The following ADGRE2 variants were observed in gnomAD, a reference collection of about 807,000 sequenced individuals.
ADGRE2 encodes the protein CD97 antigen.
Under a neutral mutation model 100.8 loss-of-function variants are expected in ADGRE2, and 83 were observed. That is an observed-to-expected ratio of 0.82 (90% CI 0.69 to 0.99). The LOEUF (loss-of-function observed/expected upper bound fraction) is 0.99, where lower values mean the gene tolerates loss of function less well. Ranked by LOEUF, ADGRE2 falls within the 50% of genes least tolerant of loss-of-function variation. ADGRE2 has a pLI of 0.00. For missense variants in ADGRE2, 814 were observed against 1,035.7 expected (o/e 0.79, Z 2.94); for synonymous variants, 355 against 413.0 (o/e 0.86, Z 1.70).
chr19:14,731,110 CCCCTTTATTCATT>C (rs2042667626), downstream of ADGRE2: 1 of 1,391,534 alleles, frequency 7.2e-7, no homozygotes, highest in African/African-American at 1.4e-5. Flanking sequence ...CAAGGATTGG[CCCCTTTATTCATT>C]CAATTTCTCT....
At chr19:14,777,536 G>C (rs987342980) in intron 1 of ADGRE2, among the ~76,000 whole-genome samples, 4 of 151,990 alleles carry the variant, frequency 2.6e-5, no homozygotes, top group African/African-American at 9.7e-5. Context: ...GGGTACATGT[G>C]CACAACGAGC....
intron 20 of ADGRE2, among the ~76,000 whole-genome samples, chr19:14,738,685 CT>C (rs1180135588): frequency 6.6e-6 from 1 of 151,986 alleles, no homozygotes; most frequent in Non-Finnish European, 1.5e-5. Flanking sequence ...GCCTGAATTC[CT>C]TTTTTCCATA....
intron 5 of ADGRE2, among the ~76,000 whole-genome samples, chr19:14,771,262 C>G (rs1408032432): frequency 6.6e-6 from 1 of 152,186 alleles, no homozygotes; most frequent in Non-Finnish European, 1.5e-5. Context: ...CCCTTAATGT[C>G]CCCTGGGACC....
chr19:14,738,658 G>A (rs779852938), intron 20 of ADGRE2, among the ~76,000 whole-genome samples: 5 of 152,008 alleles, frequency 3.3e-5, no homozygotes, highest in African/African-American at 7.2e-5. Flanking sequence ...GATTACAAGC[G>A]TGAGCCACTG....
rs2043118232 is a variant in ADGRE2 at position 14,747,101 on chromosome 19, T to C, written c.2025-139A>G. 6 of 771,764 alleles carry C rather than the reference T, an allele frequency of 7.8e-6. No homozygotes were observed. In the East Asian group the frequency reaches 1.6e-4, roughly 21 times the overall value. 47.8% of individuals were successfully genotyped at this position (771,764 alleles called of 1,614,324 possible). A position where few individuals can be genotyped will look rare whatever the true frequency, so the allele number is the denominator to read the frequency against. ...ATTAAGTGTTTCTTTAGTGATAGGG[T>C]CTGTGGTTGGCTCTGAAGATACAGT... On this transcript the variant is annotated intron_variant, in intron 16 of 20. Transcript: ENST00000315576.
intron 20 of ADGRE2, among the ~76,000 whole-genome samples, chr19:14,738,161 A>G (rs1442965068): frequency 6.6e-6 from 1 of 152,186 alleles, no homozygotes; most frequent in Non-Finnish European, 1.5e-5. Context: ...AAATGATCAC[A>G]TGTACCTAGA....
At chr19:14,737,312 C>T (rs987645027) in intron 20 of ADGRE2, among the ~76,000 whole-genome samples, 4 of 151,968 alleles carry the variant, frequency 2.6e-5, no homozygotes, top group Non-Finnish European at 2.9e-5. Flanking sequence ...CTCAGCCTCC[C>T]GAGTAGCTGC....
intron 5 of ADGRE2, among the ~76,000 whole-genome samples, chr19:14,769,772 TA>T (rs1568621845): frequency 6.6e-6 from 1 of 152,036 alleles, no homozygotes; most frequent in Non-Finnish European, 1.5e-5. Context: ...CATCTCGGCT[TA>T]CTGCAAGCTC....
intron 5 of ADGRE2, among the ~76,000 whole-genome samples, chr19:14,767,607 T>C (rs1260104632): frequency 2.0e-5 from 3 of 152,150 alleles, no homozygotes; most frequent in Non-Finnish European, 2.9e-5. Flanking sequence ...CCTTCTGTTG[T>C]TCAGATATGG....
At chr19:14,729,104 G>A (rs1227241119), downstream of ADGRE2, among the ~76,000 whole-genome samples, 5 of 152,162 alleles carry the variant, frequency 3.3e-5, no homozygotes, top group Admixed American at 1.3e-4. Flanking sequence ...ATTGATTAGT[G>A]CCGACGGGAA....
At position 14,743,451 on chromosome 19, in the gene ADGRE2, C is replaced by T. The variant is rs1180050398; in HGVS notation, c.2432G>A (p.Ser811Asn). The T allele has an allele frequency of 6.2e-7, 1 of 1,614,056 alleles. No individual in the cohort carries two copies. The highest frequency in any genetic ancestry group is 1.3e-5 in the African/African-American group (1 of 74,936). Residue 811 changes from serine to asparagine, a missense_variant, in exon 20 of 21, where the codon AGT (serine) becomes AAT (asparagine). Ser to Asn is a conservative substitution (Grantham distance 46). Coordinates refer to ENST00000315576, the MANE Select transcript of ADGRE2 (RefSeq NM_013447.4). ...TESEMHTLSSSAKADTSKPST... is the reference protein window; with the variant it reads ...TESEMHTLSSNAKADTSKPST... ...GGGTTTGGAGGTGTCAGCCTTAGCA[C>T]TGCTGGAGAGTGTGTGCATCTCAGA...
At chr19:14,739,462 G>A (rs533117500) in intron 20 of ADGRE2, among the ~76,000 whole-genome samples, 1 of 152,288 alleles carries the variant, frequency 6.6e-6, no homozygotes, top group Middle Eastern at 3.4e-3. Context: ...CTACACAAAA[G>A]TACATGTTTC....
At chr19:14,758,041 C>A (rs975078139) in intron 11 of ADGRE2, among the ~76,000 whole-genome samples, 1 of 152,224 alleles carries the variant, frequency 6.6e-6, no homozygotes, top group African/African-American at 2.4e-5. Context: ...AAACTCCTGA[C>A]CTCAGGTGAT....
chr19:14,741,853 T>C, intron 20 of ADGRE2: 1 of 394,246 alleles, frequency 2.5e-6, no homozygotes, highest in Non-Finnish European at 4.5e-6. Context: ...GGGTTAGAAT[T>C]ACACATATAA....
intron 17 of ADGRE2, among the ~76,000 whole-genome samples, 174 bp from the exon 18 acceptor site, chr19:14,746,497 C>T (rs1003936752): frequency 4.0e-5 from 6 of 151,654 alleles, no homozygotes; most frequent in Admixed American, 2.6e-4. Context: ...CTCAGCCTCC[C>T]GAGTACAGGC....
In ADGRE2 at chr19:14,773,996, G is replaced by T. The variant is rs769522217; in HGVS notation, c.141C>A (p.Cys47Ter). The T allele has an allele frequency of 3.7e-6, 6 of 1,613,966 alleles. No homozygotes were observed. The South Asian group carries it at 6.6e-5, about 18-fold the overall frequency. The change falls in exon 4 of 21, where the codon TGC becomes TGA. Residue 47 changes from cysteine to a stop codon, truncating the protein, a stop_gained. Transcript: ENST00000315576. LOFTEE classifies it high-confidence loss of function. ...CAGAAAAAGAGCTGAACCCTGGATT[G>T]CAGCGACAGGCGGTGGCATTGACAC... Reference protein sequence around the residue: ...SSCVNATACRCNPGFSSFSEI... With the variant: ...SSCVNATACR
At chr19:14,765,974 A>T (rs1396796335) in intron 7 of ADGRE2, 170 bp from the exon 8 acceptor site, 2 of 677,822 alleles carry the variant, frequency 3.0e-6, no homozygotes, top group Non-Finnish European at 5.1e-6. Context: ...CCCCGTGCAG[A>T]TGAGCAGGTT....
intron 2 of ADGRE2, among the ~76,000 whole-genome samples, chr19:14,775,516 C>T (rs2044402860): frequency 2.6e-5 from 4 of 151,884 alleles, no homozygotes; most frequent in Non-Finnish European, 5.9e-5. Context: ...GACTTGGGGG[C>T]TGTCTGGTGT....
chr19:14,738,969 C>CTT (rs68029679), intron 20 of ADGRE2, among the ~76,000 whole-genome samples: 105 of 104,908 alleles, frequency 1.0e-3, no homozygotes, highest in African/African-American at 2.6e-3. Context: ...CTTTTCTTTT[C>CTT]TTTTTTTTTT....
Sources: allele counts gnomAD v4.1 joint callset (sites outside exome capture counted in the v4.1 genomes callset), GRCh38; gene constraint gnomAD v4.1.1; transcripts MANE v1.5; gene names NCBI Gene and HGNC (gene_info 2026-07-23, HGNC 2026-07-21).